RGS9: variants seen among roughly 807,000 people sequenced by gnomAD.
RGS9 encodes regulator of G protein signaling 9.
A neutral mutation model predicts 102.0 loss-of-function variants in RGS9; 78 were observed. The observed-to-expected ratio is 0.76, with a 90% CI of 0.64 to 0.92. The LOEUF (loss-of-function observed/expected upper bound fraction) is 0.92, where lower values mean the gene tolerates loss of function less well. RGS9 is among the 40% of genes least tolerant of loss of function. RGS9 has a pLI of 0.00. For synonymous variants in RGS9, 353 were observed against 318.6 expected (o/e 1.11, Z -1.15); for missense variants, 833 against 866.1 (o/e 0.96, Z 0.48).
At chr17:65,216,688 C>T in intron 17 of RGS9, among the ~76,000 whole-genome samples, 1 of 152,198 alleles carries the variant, frequency 6.6e-6, no homozygotes. Context: ...ACTCCTAAGT[C>T]CCAACACGAG....
At chr17:65,138,706 G>T (rs1361572259) in intron 1 of RGS9, among the ~76,000 whole-genome samples, 1 of 152,066 alleles carries the variant, frequency 6.6e-6, no homozygotes, top group East Asian at 1.9e-4. Context: ...TGCCTAAGTC[G>T]GCTATCTCAA....
intron 15 of RGS9, among the ~76,000 whole-genome samples, chr17:65,204,503 A>G (rs932716126): frequency 3.9e-5 from 6 of 152,144 alleles, no homozygotes; most frequent in Non-Finnish European, 5.9e-5. Flanking sequence ...TTGAGCCCAG[A>G]AGTTTGAGAC....
At chr17:65,172,945 T>C (rs143377785) in intron 8 of RGS9, among the ~76,000 whole-genome samples, 5,151 of 151,222 alleles carry the variant, frequency 0.034, 313 homozygotes, top group African/African-American at 0.12. Flanking sequence ...TTTTTTGAGA[T>C]GGAGTGTTGC....
intron 17 of RGS9, among the ~76,000 whole-genome samples, chr17:65,218,430 A>C (rs373039712): frequency 2.7e-4 from 41 of 152,340 alleles, no homozygotes; most frequent in African/African-American, 9.1e-4. Flanking sequence ...AGGAATTTTA[A>C]TCCTTGAAGC....
chr17:65,227,355 C>G lies in RGS9; in HGVS notation c.1973C>G (p.Ser658Trp). The G allele has an allele frequency of 6.2e-7, 1 of 1,614,116 alleles. No individual in the cohort carries two copies. The highest frequency in any genetic ancestry group is 1.1e-5 in the South Asian group (1 of 91,066). ...MDSEDAGTGE[S>W]GDRATEKEVI... ...TCGGAGGATGCTGGAACAGGAGAGT[C>G]GGGTGACCGGGCCACAGAAAAGGAG... The change falls in exon 19 of 19, where the codon TCG becomes TGG. Residue 658 changes from serine to tryptophan, a missense_variant. Around this residue, in one of 3 missense-constraint regions of RGS9, gnomAD observed 320 missense variants for 276.8 expected, o/e 1.16. Transcript: ENST00000262406.
chr17:65,152,009 C>T (rs1009454741), intron 1 of RGS9, among the ~76,000 whole-genome samples: 8 of 152,142 alleles, frequency 5.3e-5, no homozygotes, highest in South Asian at 4.1e-4. Context: ...GATGCACCAC[C>T]GACAATGTAT....
At chr17:65,225,599 C>A (rs937181795) in intron 18 of RGS9, 113 bp downstream of exon 18, 2 of 1,470,440 alleles carry the variant, frequency 1.4e-6, no homozygotes, top group Non-Finnish European at 9.3e-7. Context: ...GAACAGATAC[C>A]CCAGGCAGCC....
chr17:65,166,288 T>G (rs978125745), intron 7 of RGS9, among the ~76,000 whole-genome samples: 1 of 152,214 alleles, frequency 6.6e-6, no homozygotes, highest in African/African-American at 2.4e-5. Context: ...TAGACACATC[T>G]GTCAATGGAA....
At chr17:65,182,058 G>A (rs1001415950) in intron 9 of RGS9, among the ~76,000 whole-genome samples, 2 of 152,140 alleles carry the variant, frequency 1.3e-5, no homozygotes, top group Non-Finnish European at 2.9e-5. Context: ...GGGGTTACAT[G>A]CCAATTTCAA....
intron 17 of RGS9, among the ~76,000 whole-genome samples, chr17:65,212,848 C>G (rs2144113724): frequency 6.6e-6 from 1 of 152,266 alleles, no homozygotes; most frequent in East Asian, 1.9e-4. Flanking sequence ...GAAATGTAAA[C>G]CATTGTAAAC....
At chr17:65,194,622 G>A (rs894351438) in intron 12 of RGS9, among the ~76,000 whole-genome samples, 2 of 152,140 alleles carry the variant, frequency 1.3e-5, no homozygotes, top group Non-Finnish European at 2.9e-5. Context: ...CACTGGACCT[G>A]CACGCTTGTG....
chr17:65,199,441 G>A (rs954804862), intron 13 of RGS9, among the ~76,000 whole-genome samples: 2 of 135,262 alleles, frequency 1.5e-5, no homozygotes, highest in Admixed American at 1.5e-4. Context: ...TTAGCATAAT[G>A]TTTTCAAGGC....
chr17:65,188,968 C>T lies in RGS9; in HGVS notation c.655-318C>T, dbSNP rs555702949. On this transcript the variant is annotated intron_variant, in intron 9 of 18. Coordinates refer to ENST00000262406, the MANE Select transcript of RGS9 (RefSeq NM_003835.4). ...CAGACAGGAATCTGTATCTCTCACT[C>T]TACAGATCATTCTGTAGGCACTATG... The T allele has an allele frequency of 9.5e-6, 4 of 420,776 alleles. No homozygotes were observed. In the East Asian group the frequency reaches 2.0e-4, roughly 21 times the overall value. The allele number at this position is 420,776 out of a possible 1,614,324, so 26.1% of individuals were successfully genotyped here.
intron 8 of RGS9, among the ~76,000 whole-genome samples, chr17:65,176,403 C>A (rs947055200): frequency 2.3e-4 from 35 of 152,214 alleles, no homozygotes; most frequent in African/African-American, 8.0e-4. Context: ...TAGGAGGATT[C>A]TTCTCTGTTT....
chr17:65,193,296 T>C (rs4791220), intron 11 of RGS9, among the ~76,000 whole-genome samples: 60,361 of 150,486 alleles, frequency 0.4, 16,256 homozygotes, highest in African/African-American at 0.76. Context: ...GAAATAGGTA[T>C]AGAGGAATGA....
chr17:65,200,986 A>G (rs1406391450), intron 13 of RGS9, among the ~76,000 whole-genome samples: 3 of 152,124 alleles, frequency 2.0e-5, no homozygotes, highest in Admixed American at 6.5e-5. Flanking sequence ...TGGATTTTCT[A>G]CTGCATAATG....
chr17:65,194,711 G>T (rs565967338), intron 12 of RGS9, among the ~76,000 whole-genome samples: 1 of 152,256 alleles, frequency 6.6e-6, no homozygotes, highest in African/African-American at 2.4e-5. Flanking sequence ...AGGGTGTAAT[G>T]GTCAAATTAG....
chr17:65,164,475 C>T (rs927506056), intron 7 of RGS9, among the ~76,000 whole-genome samples: 2 of 152,082 alleles, frequency 1.3e-5, no homozygotes, highest in Non-Finnish European at 2.9e-5. Flanking sequence ...AACCGATGAT[C>T]CCCCCAGTCC....
At chr17:65,149,669 G>C (rs1910503831) in intron 1 of RGS9, among the ~76,000 whole-genome samples, 1 of 152,098 alleles carries the variant, frequency 6.6e-6, no homozygotes, top group Non-Finnish European at 1.5e-5. Flanking sequence ...TGTCTCTCCT[G>C]ATAAAGCATA....
Sources: gnomAD v4.1 joint callset for allele counts (sites outside exome capture counted in the v4.1 genomes callset) on GRCh38, gnomAD v4.1.1 for gene constraint, gnomAD v4.1.1 regional missense constraint, MANE v1.5 for transcripts, NCBI Gene and HGNC (gene_info 2026-07-23, HGNC 2026-07-21) for gene names.